The following FRMPD4 variants were observed in gnomAD, a reference collection of about 807,000 sequenced individuals.
The protein encoded by FRMPD4 is FERM and PDZ domain containing 4.
In FRMPD4, 22 loss-of-function variants were observed where a neutral mutation model predicts 94.1. The observed-to-expected ratio is 0.23, with a 90% CI of 0.17 to 0.33. FRMPD4 has a LOEUF of 0.33. Among genes scored for constraint, FRMPD4 ranks in the 10% least tolerant of loss-of-function variants. The pLI is 1.00. For missense variants in FRMPD4, 1,111 were observed against 1,339.9 expected (o/e 0.83, Z 2.67); for synonymous variants, 631 against 548.6 (o/e 1.15, Z -2.10).
rs759020206 is a variant in FRMPD4 at position 12,413,195 on chromosome X, G to A, written c.42-85485G>A. On this transcript the variant is annotated intron_variant, in intron 1 of 16. Coordinates refer to ENST00000675598, the MANE Select transcript of FRMPD4 (RefSeq NM_001368397.1). ...ACTTTAAAAATGATTGACATGAGTC[G>A]GTATATAGATATCCCAGTTCCTTTG... 1.6e-4 allele frequency among the ~76,000 whole-genome samples: 18 copies of A among 111,382 alleles called. No individual in the cohort carries two copies. The South Asian group carries it at 5.8e-3, about 36-fold the overall frequency.
chrX:12,109,670 C>A (rs1341819700), intron 3 of FRMPD4, among the ~76,000 whole-genome samples: 3 of 111,411 alleles, frequency 2.7e-5, no homozygotes, highest in African/African-American at 9.8e-5. Flanking sequence ...AATTGATAGA[C>A]CGCTAGCAAG....
intron 1 of FRMPD4, among the ~76,000 whole-genome samples, chrX:11,843,359 A>T (rs182615201): frequency 4.5e-5 from 5 of 111,175 alleles, no homozygotes; most frequent in South Asian, 3.8e-4. Context: ...TGGCTCTAGT[A>T]TATCTCCTTT....
At chrX:12,153,127 G>A (rs1218722033) in intron 1 of FRMPD4, among the ~76,000 whole-genome samples, 1 of 110,194 alleles carries the variant, frequency 9.1e-6, no homozygotes, top group African/African-American at 3.3e-5. Context: ...TAGTAGAGAC[G>A]GGGTTTCACC....
intron 1 of FRMPD4, among the ~76,000 whole-genome samples, chrX:12,481,554 C>T (rs937235557): frequency 7.2e-5 from 8 of 111,028 alleles, no homozygotes; most frequent in Non-Finnish European, 1.5e-4. Context: ...AGAAGCCTTA[C>T]TGATAACTGT....
intron 2 of FRMPD4, among the ~76,000 whole-genome samples, chrX:12,521,894 A>T (rs1371261337): frequency 1.2e-5 from 1 of 80,431 alleles, no homozygotes; most frequent in Non-Finnish European, 2.4e-5. Context: ...GTTTGGTTGA[A>T]TTTCTGAAGA....
At chrX:12,078,121 G>A (rs1381508894) in intron 3 of FRMPD4, among the ~76,000 whole-genome samples, 1 of 111,473 alleles carries the variant, frequency 9.0e-6, no homozygotes, top group African/African-American at 3.3e-5. Flanking sequence ...CAAAGTCCTT[G>A]GTTTCTCACT....
chrX:12,635,616 G>C (rs2059436827), intron 4 of FRMPD4, among the ~76,000 whole-genome samples: 1 of 111,210 alleles, frequency 9.0e-6, no homozygotes, highest in South Asian at 3.9e-4. Flanking sequence ...GCCAGGTCTG[G>C]GCCGTATTCC....
At chrX:12,687,206 T>C (rs1253404056) in intron 7 of FRMPD4, among the ~76,000 whole-genome samples, 2 of 112,398 alleles carry the variant, frequency 1.8e-5, no homozygotes, top group Non-Finnish European at 3.8e-5. Context: ...AAGTATGTAG[T>C]GGCTTAATAC....
Position 12,475,345 on chromosome X carries a change from C to G in FRMPD4, c.42-23335C>G, listed in dbSNP as rs1317291487. On this transcript the variant is annotated intron_variant, in intron 1 of 16. Coordinates refer to ENST00000675598, the MANE Select transcript of FRMPD4 (RefSeq NM_001368397.1). Reference sequence around the variant, plus strand: ...ATAAGAGCTATCTATGACAAACCCACAGCCAATATCATACTGAATGGGCAA... The same window carrying G: ...ATAAGAGCTATCTATGACAAACCCAGAGCCAATATCATACTGAATGGGCAA... Among the ~76,000 whole-genome samples the G allele has an allele frequency of 4.5e-5, 5 of 112,021 alleles. No homozygotes were observed. In the East Asian group the frequency reaches 1.4e-3, roughly 31 times the overall value.
chrX:12,541,155 T>C (rs2058406523), intron 2 of FRMPD4, among the ~76,000 whole-genome samples: 2 of 111,717 alleles, frequency 1.8e-5, no homozygotes, highest in South Asian at 7.5e-4. Context: ...CTAAAATTGA[T>C]ACCCTAACAT....
intron 1 of FRMPD4, among the ~76,000 whole-genome samples, chrX:12,266,607 A>G (rs1280166178): frequency 8.9e-6 from 1 of 112,004 alleles, no homozygotes. Context: ...CTACCTTCAC[A>G]GTGGGACAGC....
chrX:12,056,580 G>A (rs887932965), intron 3 of FRMPD4, among the ~76,000 whole-genome samples: 1 of 111,671 alleles, frequency 9.0e-6, no homozygotes, highest in Non-Finnish European at 1.9e-5. Context: ...ATGGGAGTGA[G>A]AGACAGGAGG....
At chrX:12,193,786 G>GAAAAA (rs1491411923) in intron 1 of FRMPD4, among the ~76,000 whole-genome samples, 34 of 26,830 alleles carry the variant, frequency 1.3e-3, no homozygotes, top group Middle Eastern at 0.013. Context: ...AAGGAAGGAA[G>GAAAAA]GAAGGAAGGA....
intron 1 of FRMPD4, among the ~76,000 whole-genome samples, chrX:12,379,642 C>CGTGT (rs55742933): frequency 0.15 from 13,241 of 89,819 alleles, 886 homozygotes; most frequent in Non-Finnish European, 0.16. Context: ...GATATGCTGC[C>CGTGT]GTGTGTGTGT....
chrX:12,103,121 C>T (rs11798347), intron 3 of FRMPD4, among the ~76,000 whole-genome samples: 30,630 of 110,329 alleles, frequency 0.28, 3,478 homozygotes, highest in African/African-American at 0.44. Flanking sequence ...CTGGGTTCTA[C>T]TCCTGGCTCC....
At position 11,994,790 on chromosome X, in the gene FRMPD4, G is replaced by A. The variant is rs1401067406; in HGVS notation, c.95+116772G>A. ...GGTCTTCACTTTGTGAGTGATAAGG[G>A]GGCTTATTCATCTCAGTAACTTGAA... On this transcript the variant is annotated intron_variant, in intron 3 of 18. Coordinates refer to the FRMPD4 transcript ENST00000640291. Among the ~76,000 whole-genome samples, 3 of 111,360 alleles carry A rather than the reference G, an allele frequency of 2.7e-5. No homozygotes were observed. The Admixed American group carries it at 2.9e-4, about 11-fold the overall frequency.
chrX:12,324,594 A>G (rs1372633499), intron 1 of FRMPD4, among the ~76,000 whole-genome samples: 1 of 111,970 alleles, frequency 8.9e-6, no homozygotes. Flanking sequence ...CATGCTACAG[A>G]TAATTTTTTC....
At chrX:12,241,409 G>A (rs549757617) in intron 1 of FRMPD4, among the ~76,000 whole-genome samples, 89 of 112,146 alleles carry the variant, frequency 7.9e-4, no homozygotes, top group South Asian at 3.3e-3. Flanking sequence ...TTTAACTTAC[G>A]TATATCAAAA....
chrX:12,201,549 G>A (rs12836278), intron 1 of FRMPD4, among the ~76,000 whole-genome samples: 22,381 of 111,109 alleles, frequency 0.2, 1,643 homozygotes, highest in South Asian at 0.3. Context: ...AGATATGATG[G>A]AACCAAAGTG....
Sources: gnomAD v4.1 joint callset for allele counts (sites outside exome capture counted in the v4.1 genomes callset) on GRCh38, gnomAD v4.1.1 for gene constraint, MANE v1.5 for transcripts, NCBI Gene and HGNC (gene_info 2026-07-23, HGNC 2026-07-21) for gene names.